Variants in SDC3 observed in about 807,000 individuals in gnomAD.
SDC3 encodes the protein syndecan 3.
Under a neutral mutation model 24.4 loss-of-function variants are expected in SDC3, and 13 were observed. The observed-to-expected ratio is 0.53, with a 90% CI of 0.35 to 0.85. SDC3 has a LOEUF of 0.85. Among genes scored for constraint, SDC3 ranks in the 40% least tolerant of loss-of-function variants. SDC3 has a pLI of 0.01. For synonymous variants in SDC3, 295 were observed against 260.9 expected, an observed-to-expected ratio of 1.13 and a Z score of -1.26; for missense variants, 571 against 584.5, an observed-to-expected ratio of 0.98 and a Z score of 0.24.
At chr1:30,892,422 C>G (rs1639919898) in intron 1 of SDC3, among the ~76,000 whole-genome samples, 1 of 150,338 alleles carries the variant, frequency 6.7e-6, no homozygotes, top group African/African-American at 2.5e-5. Flanking sequence ...AGCCTTAGCC[C>G]CAGGCCCCCA....
Position 30,874,594 on chromosome 1 carries a change from G to C in SDC3, c.871-6C>G, listed in dbSNP as rs778739519. The C allele has an allele frequency of 6.2e-7, 1 of 1,613,130 alleles. No homozygotes were observed. The highest frequency in any genetic ancestry group is 1.7e-5 in the Admixed American group (1 of 59,976). On this transcript the variant is annotated splice_polypyrimidine_tract_variant and splice_region_variant and intron_variant, in intron 3 of 4. Coordinates refer to ENST00000339394, the MANE Select transcript of SDC3 (RefSeq NM_014654.4). ...AAGGTCTCTGGAGTTGGGGTCTGCA[G>C]AGAGGGTGGCATGAGCCCAGGACAA...
At chr1:30,896,267 G>A (rs900976016) in intron 1 of SDC3, among the ~76,000 whole-genome samples, 4 of 152,236 alleles carry the variant, frequency 2.6e-5, no homozygotes, top group Admixed American at 1.3e-4. Context: ...GAGGGTTGGA[G>A]GGGAGATGAT....
At chr1:30,896,790 C>T (rs1186681494) in intron 1 of SDC3, among the ~76,000 whole-genome samples, 1 of 152,052 alleles carries the variant, frequency 6.6e-6, no homozygotes, top group East Asian at 1.9e-4. Context: ...AGTAAAACCC[C>T]GTTTATACCA....
At chr1:30,908,419 G>C in intron 1 of SDC3, 30 bp downstream of exon 1, 1 of 1,016,260 alleles carries the variant, frequency 9.8e-7, no homozygotes, top group Non-Finnish European at 1.2e-6. Flanking sequence ...CCGGGGAGCC[G>C]TGGCGGGGAT....
At chr1:30,873,495 G>A in intron 4 of SDC3, 118 bp from the exon 5 acceptor site, 1 of 677,530 alleles carries the variant, frequency 1.5e-6, no homozygotes, top group Non-Finnish European at 2.6e-6. Context: ...CTGAGTTGGA[G>A]TGATGATGGA....
Position 30,871,508 on chromosome 1 carries a change from G to A in SDC3, c.*1703C>T, listed in dbSNP as rs751834804. 6.6e-6 allele frequency: 1 copy of A among 152,278 alleles called. No homozygotes were observed. The highest frequency in any genetic ancestry group is 2.1e-4 in the South Asian group (1 of 4,834). 9.4% of individuals were successfully genotyped at this position (152,278 alleles called of 1,614,324 possible). ...GTCTCATCCCTCAAACCCTGACCTC[G>A]GGGCCTGAGGGATCTGCAGGGGCTG... is the stretch of plus-strand genomic sequence containing the variant. On this transcript the variant is annotated 3_prime_UTR_variant, in exon 5 of 5. Coordinates refer to ENST00000339394, the MANE Select transcript of SDC3 (RefSeq NM_014654.4).
intron 1 of SDC3, among the ~76,000 whole-genome samples, chr1:30,898,489 G>C (rs1490976969): frequency 6.6e-6 from 1 of 152,210 alleles, no homozygotes; most frequent in Non-Finnish European, 1.5e-5. Context: ...CAGTAGCACA[G>C]TGGGGATAAG....
chr1:30,884,070 G>T (rs903541380), intron 1 of SDC3, among the ~76,000 whole-genome samples: 1 of 152,174 alleles, frequency 6.6e-6, no homozygotes, highest in African/African-American at 2.4e-5. Context: ...GGACCAGGAG[G>T]GGGATGTCTC....
intron 1 of SDC3, among the ~76,000 whole-genome samples, chr1:30,891,562 C>T (rs1639904457): frequency 6.6e-6 from 1 of 152,226 alleles, no homozygotes; most frequent in African/African-American, 2.4e-5. Flanking sequence ...GCCTCCCAGA[C>T]TCTGATCTCT....
Position 30,907,485 on chromosome 1 carries a change from C to G in SDC3, c.138+964G>C, listed in dbSNP as rs147059106. On this transcript the variant is annotated intron_variant, in intron 1 of 4. Transcript: ENST00000339394. ...GGTCCCCCATGCACCTGCATGCACACGCTGCTATGTGCACTCACACACATT... is the reference window on the plus strand; with the variant it reads ...GGTCCCCCATGCACCTGCATGCACAGGCTGCTATGTGCACTCACACACATT... Among the ~76,000 whole-genome samples, 72 of 152,324 alleles carry G rather than the reference C, an allele frequency of 4.7e-4. 1 individual carries two copies. Among genetic ancestry groups the G allele is most frequent in the African/African-American group, 1.7e-3 (72 of 41,568 alleles).
intron 1 of SDC3, among the ~76,000 whole-genome samples, chr1:30,893,961 C>T (rs1379156757): frequency 6.6e-6 from 1 of 152,030 alleles, no homozygotes; most frequent in Non-Finnish European, 1.5e-5. Flanking sequence ...GAAAACAAAG[C>T]TCTGAGGCCC....
In SDC3 at chr1:30,908,607, CG is replaced by C. The variant is rs1638583329; in HGVS notation, c.-22del. On this transcript the variant is annotated 5_prime_UTR_variant, in exon 1 of 5. Coordinates refer to ENST00000339394, the MANE Select transcript of SDC3 (RefSeq NM_014654.4). Reference sequence around the variant, plus strand: ...TTCATGGCGGCGGCGCGGGCGCGGGCGGCGGGCGGCGGGCGGGCGCCTTTGT... The same window carrying C: ...TTCATGGCGGCGGCGCGGGCGCGGGCGCGGGCGGCGGGCGGGCGCCTTTGT... 1 of 915,606 alleles carries C rather than the reference CG, an allele frequency of 1.1e-6. No individual in the cohort carries two copies. The highest frequency in any genetic ancestry group is 1.3e-6 in the Non-Finnish European group (1 of 772,936). The allele number at this position is 915,606 out of a possible 1,614,324, so 56.7% of individuals were successfully genotyped here.
intron 1 of SDC3, among the ~76,000 whole-genome samples, chr1:30,887,293 G>C (rs1639844246): frequency 6.6e-6 from 1 of 152,002 alleles, no homozygotes; most frequent in African/African-American, 2.4e-5. Flanking sequence ...GGGCCCAGGA[G>C]TCTCCGAGGA....
chr1:30,887,926 C>G (rs1639853659), intron 1 of SDC3, among the ~76,000 whole-genome samples: 1 of 152,210 alleles, frequency 6.6e-6, no homozygotes, highest in Admixed American at 6.5e-5. Context: ...TCTGATCCCT[C>G]CAAAATCCAG....
At chr1:30,889,924 A>AT (rs1639881405) in intron 1 of SDC3, among the ~76,000 whole-genome samples, 4 of 152,230 alleles carry the variant, frequency 2.6e-5, no homozygotes, top group Admixed American at 2.6e-4. Flanking sequence ...TAGCCAAAAG[A>AT]TTGAAACCAC....
At chr1:30,873,912 C>T (rs1351557505) in intron 4 of SDC3, among the ~76,000 whole-genome samples, 1 of 152,054 alleles carries the variant, frequency 6.6e-6, no homozygotes, top group African/African-American at 2.4e-5. Flanking sequence ...GGCAGGTCCA[C>T]AGGGACTGGG....
chr1:30,880,044 G>A (rs1639716276), intron 1 of SDC3: 1 of 152,480 alleles, frequency 6.6e-6, no homozygotes, highest in Non-Finnish European at 1.5e-5. Context: ...CTCACATGGG[G>A]CAGGAGGAGC....
chr1:30,893,524 C>T (rs868359057), intron 1 of SDC3, among the ~76,000 whole-genome samples: 4 of 152,020 alleles, frequency 2.6e-5, no homozygotes, highest in Non-Finnish European at 4.4e-5. Flanking sequence ...CCAGCTCACG[C>T]GTCCCCTCCT....
intron 1 of SDC3, among the ~76,000 whole-genome samples, chr1:30,897,750 T>G (rs1570024991): frequency 6.6e-6 from 1 of 152,350 alleles, no homozygotes; most frequent in East Asian, 1.9e-4. Flanking sequence ...ACTAGCTCTG[T>G]GACCTTGCAC....
Sources: allele counts gnomAD v4.1 joint callset (sites outside exome capture counted in the v4.1 genomes callset), GRCh38; gene constraint gnomAD v4.1.1; transcripts MANE v1.5; gene names NCBI Gene and HGNC (gene_info 2026-07-23, HGNC 2026-07-21).